Variants in KCNJ6 observed in about 807,000 individuals in gnomAD.
KCNJ6 encodes the protein potassium inwardly rectifying channel subfamily J member 6.
In KCNJ6, 9 loss-of-function variants were observed where a neutral mutation model predicts 34.2. The observed-to-expected ratio is 0.26, with a 90% confidence interval of 0.16 to 0.46. KCNJ6 has a LOEUF of 0.46. KCNJ6 is among the 20% of genes least tolerant of loss of function. KCNJ6 has a pLI of 1.00. For missense variants in KCNJ6, 236 were observed against 531.3 expected, an observed-to-expected ratio of 0.44 and a Z score of 5.46; for synonymous variants, 196 against 207.1, an observed-to-expected ratio of 0.95 and a Z score of 0.46.
At chr21:37,645,713 G>A (rs2054401126) in intron 3 of KCNJ6, among the ~76,000 whole-genome samples, 1 of 152,170 alleles carries the variant, frequency 6.6e-6, no homozygotes, top group African/African-American at 2.4e-5. Context: ...GCACCCAGTG[G>A]TATCCCAGGT....
intron 1 of KCNJ6, among the ~76,000 whole-genome samples, chr21:37,894,729 T>C (rs2055779489): frequency 1.3e-5 from 2 of 152,186 alleles, no homozygotes; most frequent in African/African-American, 2.4e-5. Context: ...CTTACCTGCC[T>C]AGAAAATGTG....
chr21:37,746,821 T>C (rs1218957741), intron 2 of KCNJ6, among the ~76,000 whole-genome samples: 1 of 152,218 alleles, frequency 6.6e-6, no homozygotes, highest in Non-Finnish European at 1.5e-5. Context: ...TTCTACATAC[T>C]CTGTAAATTG....
chr21:37,822,931 G>A (rs2055380754), intron 2 of KCNJ6, among the ~76,000 whole-genome samples: 1 of 152,140 alleles, frequency 6.6e-6, no homozygotes, highest in South Asian at 2.1e-4. Flanking sequence ...TTCCTTCATC[G>A]AAACATCACT....
In KCNJ6 at chr21:37,619,360, A is replaced by G. The variant is rs911170790; in HGVS notation, c.*5799T>C. ...ACTTTTTCCATCCATTATGTCTGTA[A>G]TTACCAATCTTTGTCTTTGCTTCAG... On this transcript the variant is annotated 3_prime_UTR_variant, in exon 4 of 4. Transcript: ENST00000609713. The G allele has an allele frequency of 1.4e-4, 22 of 152,350 alleles. No homozygotes were observed. Among genetic ancestry groups the G allele is most frequent in the African/African-American group, 5.3e-4 (22 of 41,582 alleles). The allele number at this position is 152,350 out of a possible 1,614,324, so 9.4% of individuals were successfully genotyped here.
intron 2 of KCNJ6, among the ~76,000 whole-genome samples, chr21:37,787,403 G>A (rs80247654): frequency 2.6e-5 from 4 of 152,112 alleles, no homozygotes; most frequent in African/African-American, 9.7e-5. Context: ...CTGGCCAGGG[G>A]TCATACTCAC....
rs566502727 is a variant in KCNJ6 at position 37,911,357 on chromosome 21, T to C, written c.-28+4527A>G. Among the ~76,000 whole-genome samples the C allele has an allele frequency of 1.3e-3, 194 of 152,328 alleles. 1 individual carries two copies. Among genetic ancestry groups the C allele is most frequent in the Middle Eastern group, 3.4e-3 (1 of 294 alleles). ...TGTTTTGATGATTTTTCAACTTAAC[T>C]GCCAATTTCCCCCTTACTGGTATTA... On this transcript the variant is annotated intron_variant, in intron 1 of 3. Coordinates refer to ENST00000609713, the MANE Select transcript of KCNJ6 (RefSeq NM_002240.5).
chr21:37,761,416 G>C (rs2055062373), intron 2 of KCNJ6, among the ~76,000 whole-genome samples: 1 of 150,240 alleles, frequency 6.7e-6, no homozygotes, highest in African/African-American at 2.5e-5. Flanking sequence ...TTGTGTATGT[G>C]GTGTGTGTGT....
At chr21:37,766,530 T>C (rs1295317608) in intron 2 of KCNJ6, among the ~76,000 whole-genome samples, 1 of 152,122 alleles carries the variant, frequency 6.6e-6, no homozygotes, top group Non-Finnish European at 1.5e-5. Context: ...TAAATTTGGA[T>C]AGCAGGAATG....
chr21:37,695,962 G>C lies in KCNJ6; in HGVS notation c.946+18249C>G, dbSNP rs1009335192. Among the ~76,000 whole-genome samples the C allele has an allele frequency of 1.3e-5, 2 of 152,202 alleles. No individual in the cohort carries two copies. Among genetic ancestry groups the C allele is most frequent in the Non-Finnish European group, 2.9e-5 (2 of 68,028 alleles). On this transcript the variant is annotated intron_variant, in intron 3 of 3. Coordinates refer to ENST00000609713, the MANE Select transcript of KCNJ6 (RefSeq NM_002240.5). The surrounding 1 kb of genome is among the most constrained non-coding windows in gnomAD (Gnocchi z 4.2). ...GAAAGGGATCCCACTGGCCAGATCTGGGATAATGTGAGCATCACAAATAAT... is the reference window on the plus strand; with the variant it reads ...GAAAGGGATCCCACTGGCCAGATCTCGGATAATGTGAGCATCACAAATAAT...
At chr21:37,902,319 A>T (rs2055820755) in intron 1 of KCNJ6, among the ~76,000 whole-genome samples, 2 of 152,178 alleles carry the variant, frequency 1.3e-5, no homozygotes, top group African/African-American at 4.8e-5. Flanking sequence ...GACATCTAGA[A>T]TGGATGTTTT....
rs1481804209 is a variant in KCNJ6, at chr21:37,625,262, T to C, written c.1169A>G (p.Asn390Ser). 6.2e-7 allele frequency: 1 copy of C among 1,614,226 alleles called. No homozygotes were observed. The highest frequency in any genetic ancestry group is 1.1e-5 in the South Asian group (1 of 91,084). The stretch of plus-strand genomic sequence containing the variant: ...TTCAGTCTCCAGTTCTGCATGTTGG[T>C]TGAGTTTGCTGGATACAGACCAACT... ...PLSWSVSSKL[N>S]QHAELETEEE... Residue 390 changes from asparagine (N) to serine (S), a missense_variant, in exon 4 of 4, where the codon AAC becomes AGC. This residue lies in a region of KCNJ6 where 43 missense variants were observed against 52.1 expected (regional missense o/e 0.82). Coordinates refer to ENST00000609713, the MANE Select transcript of KCNJ6 (RefSeq NM_002240.5).
intron 1 of KCNJ6, among the ~76,000 whole-genome samples, chr21:37,857,912 T>G (rs1433552839): frequency 6.6e-6 from 1 of 152,016 alleles, no homozygotes; most frequent in Non-Finnish European, 1.5e-5. Flanking sequence ...AGAAAGACAC[T>G]GATGAAAATA....
chr21:37,682,034 G>T (rs1466493441), intron 3 of KCNJ6, among the ~76,000 whole-genome samples: 1 of 152,190 alleles, frequency 6.6e-6, no homozygotes, highest in African/African-American at 2.4e-5. Flanking sequence ...CTGTCCTGTT[G>T]CTTCTTTCAT....
At chr21:37,690,687 C>A (rs1437417182) in intron 3 of KCNJ6, among the ~76,000 whole-genome samples, 3 of 152,130 alleles carry the variant, frequency 2.0e-5, no homozygotes, top group African/African-American at 7.2e-5. Context: ...TTCCACAAAG[C>A]CCCTCCTTTT....
intron 3 of KCNJ6, among the ~76,000 whole-genome samples, chr21:37,666,377 G>A (rs2054513864): frequency 6.6e-6 from 1 of 152,192 alleles, no homozygotes; most frequent in Admixed American, 6.5e-5. Context: ...TGTGGGATGA[G>A]CACCATGAGC....
At chr21:37,902,945 G>A (rs73904493) in intron 1 of KCNJ6, among the ~76,000 whole-genome samples, 98 of 152,280 alleles carry the variant, frequency 6.4e-4, no homozygotes, top group African/African-American at 2.3e-3. Flanking sequence ...CAGGGTGTGA[G>A]AACCTCTGTT....
At chr21:37,792,979 C>G (rs1282357728) in intron 2 of KCNJ6, among the ~76,000 whole-genome samples, 2 of 152,100 alleles carry the variant, frequency 1.3e-5, no homozygotes, top group Non-Finnish European at 2.9e-5. Context: ...GGCCCCTCCT[C>G]TAAAGATGTA....
At chr21:37,741,800 G>A (rs7280905) in intron 2 of KCNJ6, among the ~76,000 whole-genome samples, 66,157 of 151,812 alleles carry the variant, frequency 0.44, 14,708 homozygotes, top group South Asian at 0.46. Context: ...ACTGCCAACA[G>A]ATGCCAAGTC....
intron 2 of KCNJ6, among the ~76,000 whole-genome samples, chr21:37,741,939 A>G (rs1399597): frequency 0.49 from 75,205 of 152,054 alleles, 18,914 homozygotes; most frequent in South Asian, 0.62. Flanking sequence ...CTATTTATTC[A>G]CACGTGCTGT....
Sources: gnomAD v4.1 joint callset for allele counts (sites outside exome capture counted in the v4.1 genomes callset) on GRCh38, gnomAD v4.1.1 for gene constraint, gnomAD v4.1.1 regional missense constraint, Gnocchi (gnomAD v3.1) non-coding constraint, MANE v1.5 for transcripts, NCBI Gene and HGNC (gene_info 2026-07-23, HGNC 2026-07-21) for gene names.